The following TFCP2L1 variants were observed in gnomAD, a reference collection of about 807,000 sequenced individuals.
The protein encoded by TFCP2L1 is transcription factor CP2 like 1, also known as transcription factor CP2-like protein 1.
Under a neutral mutation model 72.2 loss-of-function variants are expected in TFCP2L1, and 12 were observed. The observed-to-expected ratio is 0.17, with a 90% confidence interval of 0.11 to 0.27. The LOEUF (loss-of-function observed/expected upper bound fraction) is 0.27. Ranked by LOEUF, TFCP2L1 falls within the 10% of genes least tolerant of loss-of-function variation. The pLI is 1.00. For synonymous variants in TFCP2L1, 260 were observed against 251.0 expected, an observed-to-expected ratio of 1.04 and a Z score of -0.34; for missense variants, 488 against 624.6, an observed-to-expected ratio of 0.78 and a Z score of 2.33.
chr2:121,225,542 G>C lies in TFCP2L1; in HGVS notation c.1393+20C>G, dbSNP rs763502104. 1.2e-6 allele frequency: 2 copies of C among 1,613,118 alleles called. No homozygotes were observed. The highest frequency in any genetic ancestry group is 1.7e-6 in the Non-Finnish European group (2 of 1,179,402). ...CTCACCTGCCCCCACAACTACCCTA[G>C]GGGGAGGGGGAGGCTTCACCTTTAA... On this transcript the variant is annotated intron_variant, in intron 14 of 14. Coordinates refer to ENST00000263707, the MANE Select transcript of TFCP2L1 (RefSeq NM_014553.3).
intron 2 of TFCP2L1, among the ~76,000 whole-genome samples, chr2:121,259,616 C>CA (rs1686795109): frequency 6.6e-6 from 1 of 152,104 alleles, no homozygotes; most frequent in Admixed American, 6.5e-5. Flanking sequence ...ATTAAGATTA[C>CA]AAAAAGGCTT....
At chr2:121,249,697 T>C (rs532093089) in intron 2 of TFCP2L1, 50 bp from the exon 3 acceptor site, 5 of 1,596,914 alleles carry the variant, frequency 3.1e-6, no homozygotes, top group Non-Finnish European at 4.3e-6. Context: ...TTTCTAAATT[T>C]GGGGTTCATT....
intron 2 of TFCP2L1, among the ~76,000 whole-genome samples, chr2:121,262,745 G>A (rs1686850126): frequency 6.6e-6 from 1 of 152,034 alleles, no homozygotes; most frequent in Non-Finnish European, 1.5e-5. Flanking sequence ...CTGAGGACAG[G>A]GTACCCAGAA....
chr2:121,237,302 T>G (rs1376306415), intron 10 of TFCP2L1, among the ~76,000 whole-genome samples: 1 of 152,198 alleles, frequency 6.6e-6, no homozygotes, highest in Non-Finnish European at 1.5e-5. Context: ...TAAGGGGCCC[T>G]GCATCACCCT....
At position 121,223,161 on chromosome 2, in the gene TFCP2L1, A is replaced by G. The variant is rs1434097688; in HGVS notation, c.*1180T>C. The G allele has an allele frequency of 6.6e-6, 1 of 152,088 alleles. No individual in the cohort carries two copies. Among genetic ancestry groups the G allele is most frequent in the African/African-American group, 2.4e-5 (1 of 41,398 alleles). The allele number at this position is 152,088 out of a possible 1,614,324, so 9.4% of individuals were successfully genotyped here. A position where few individuals can be genotyped will look rare whatever the true frequency, so the allele number is the denominator to read the frequency against. Reference sequence around the variant, plus strand: ...CAGGTGGTCAGAGGGTTCCCCATGAACCTAAATTAACCAAGAGCTGAAGCC... The same window carrying G: ...CAGGTGGTCAGAGGGTTCCCCATGAGCCTAAATTAACCAAGAGCTGAAGCC... On this transcript the variant is annotated 3_prime_UTR_variant, in exon 15 of 15. Transcript: ENST00000263707.
chr2:121,250,401 T>C (rs1275173786), intron 2 of TFCP2L1, among the ~76,000 whole-genome samples: 1 of 151,480 alleles, frequency 6.6e-6, no homozygotes, highest in East Asian at 1.9e-4. Context: ...TGTATATATA[T>C]ATAATCTCAA....
chr2:121,247,033 C>T, intron 5 of TFCP2L1, 63 bp from the exon 6 acceptor site: 2 of 1,590,770 alleles, frequency 1.3e-6, no homozygotes, highest in Non-Finnish European at 1.7e-6. Context: ...CTGGATCCCC[C>T]AAGCGCCCCC....
At chr2:121,256,607 T>C (rs1382342429) in intron 2 of TFCP2L1, among the ~76,000 whole-genome samples, 1 of 151,826 alleles carries the variant, frequency 6.6e-6, no homozygotes, top group Non-Finnish European at 1.5e-5. Flanking sequence ...TGACACCCCG[T>C]CTCTACTAAA....
intron 2 of TFCP2L1, among the ~76,000 whole-genome samples, chr2:121,252,431 T>C (rs973614120): frequency 1.3e-5 from 2 of 152,212 alleles, no homozygotes; most frequent in Admixed American, 6.5e-5. Context: ...CAAAAAGATA[T>C]GTCACATCCT....
chr2:121,237,839 G>A lies in TFCP2L1; in HGVS notation c.872C>T (p.Pro291Leu), dbSNP rs780186525. 2.5e-5 allele frequency: 41 copies of A among 1,613,962 alleles called. No individual in the cohort carries two copies. The highest frequency in any genetic ancestry group is 1.3e-4 in the East Asian group (6 of 44,880). Residue 291 changes from proline to leucine, a missense_variant, in exon 9 of 15, where the codon CCG (proline) becomes CTG (leucine). By Grantham distance (98) the Pro-to-Leu change is moderately conservative. This residue lies in a region of TFCP2L1 where 286 missense variants were observed against 329.0 expected (regional missense o/e 0.87). Coordinates refer to ENST00000263707, the MANE Select transcript of TFCP2L1 (RefSeq NM_014553.3). ...SFGLGEGNAS[P>L]THPVEALPVG... ...GGGCAGGGCCTCCACCGGGTGGGTC[G>A]GAGAGGCGTTGCTGCAAGGAAAAGG...
At chr2:121,240,675 C>G in intron 7 of TFCP2L1, 1 of 985,336 alleles carries the variant, frequency 1.0e-6, no homozygotes, top group Non-Finnish European at 1.2e-6. Flanking sequence ...AGCAGAGGAG[C>G]AGAGAGGTTG....
At chr2:121,251,984 G>T (rs1021617982) in intron 2 of TFCP2L1, among the ~76,000 whole-genome samples, 1 of 152,190 alleles carries the variant, frequency 6.6e-6, no homozygotes, top group African/African-American at 2.4e-5. Context: ...AGACTAGGAA[G>T]AGCAAACCCA....
rs1339744188 is a variant in TFCP2L1 at position 121,237,688 on chromosome 2, T to A, written c.938A>T (p.Asp313Val). Residue 313 changes from aspartate to valine, a missense_variant, in exon 10 of 15, where the codon GAT becomes GTT. Physicochemically the swap from Asp to Val is radical, Grantham distance 152. Coordinates refer to ENST00000263707, the MANE Select transcript of TFCP2L1 (RefSeq NM_014553.3). Reference sequence around the variant, plus strand: ...GTTGCGGTGAAGCCACTGCTGGGCATCCTGGATCGAAGCTGATGGGAGCAG... The same window carrying A: ...GTTGCGGTGAAGCCACTGCTGGGCAACCTGGATCGAAGCTGATGGGAGCAG... ...DHLLPSASIQDAQQWLHRNRF... is the reference protein window; with the variant it reads ...DHLLPSASIQVAQQWLHRNRF... 1.9e-6 allele frequency: 3 copies of A among 1,614,172 alleles called. No homozygotes were observed. In the South Asian group the frequency reaches 3.3e-5, roughly 18 times the overall value.
chr2:121,282,231 C>A (rs924756280), intron 1 of TFCP2L1, among the ~76,000 whole-genome samples: 7 of 150,980 alleles, frequency 4.6e-5, no homozygotes, highest in Non-Finnish European at 8.8e-5. Flanking sequence ...CCGCGCCCAG[C>A]CCAGTCTATT....
chr2:121,248,690 C>G (rs1015319470), intron 4 of TFCP2L1, among the ~76,000 whole-genome samples: 2 of 152,176 alleles, frequency 1.3e-5, no homozygotes, highest in African/African-American at 4.8e-5. Context: ...TCACGGTTGT[C>G]TTCAACACTT....
Position 121,233,711 on chromosome 2 carries a change from C to T in TFCP2L1, c.1198+380G>A, listed in dbSNP as rs368702543. Among the ~76,000 whole-genome samples the T allele has an allele frequency of 4.1e-4, 63 of 152,340 alleles. 4 individuals are homozygous for T. The South Asian group carries it at 0.011, about 28-fold the overall frequency. On this transcript the variant is annotated intron_variant, in intron 12 of 14. Transcript: ENST00000263707. The stretch of plus-strand genomic sequence containing the variant: ...GTGGGAGCAGGAAGGCTGACAGCCA[C>T]GCCTCTGAGGTCCTCGAGAGTCTCC...
intron 2 of TFCP2L1, among the ~76,000 whole-genome samples, chr2:121,259,347 T>C (rs1183094920): frequency 2.6e-5 from 4 of 152,152 alleles, no homozygotes; most frequent in African/African-American, 9.7e-5. Flanking sequence ...GGAAAAAATA[T>C]ATATAATAGA....
At chr2:121,224,809 C>T (rs185137101) in intron 14 of TFCP2L1, among the ~76,000 whole-genome samples, 3 of 152,240 alleles carry the variant, frequency 2.0e-5, no homozygotes, top group African/African-American at 7.2e-5. Flanking sequence ...AGTGAAACCC[C>T]GTCTCTACTA....
intron 4 of TFCP2L1, among the ~76,000 whole-genome samples, chr2:121,248,684 G>A (rs1295272488): frequency 6.6e-6 from 1 of 152,114 alleles, no homozygotes; most frequent in African/African-American, 2.4e-5. Flanking sequence ...TGATGCTCAC[G>A]GTTGTCTTCA....
Sources: gnomAD v4.1 joint callset for allele counts (sites outside exome capture counted in the v4.1 genomes callset) on GRCh38, gnomAD v4.1.1 for gene constraint, gnomAD v4.1.1 regional missense constraint, MANE v1.5 for transcripts, NCBI Gene and HGNC (gene_info 2026-07-23, HGNC 2026-07-21) for gene names.